Variants in SPON1 observed in about 807,000 individuals in gnomAD.
The protein encoded by SPON1 is spondin-1.
A neutral mutation model predicts 111.7 loss-of-function variants in SPON1; 52 were observed. The ratio of observed to expected loss-of-function variants is 0.47; its 90% CI spans 0.37 to 0.59. SPON1 has a LOEUF of 0.59. Ranked by LOEUF, SPON1 falls within the 20% of genes least tolerant of loss-of-function variation. The pLI is 0.00. For missense variants in SPON1, 957 were observed against 1,068.5 expected, an observed-to-expected ratio of 0.90 and a Z score of 1.46; for synonymous variants, 410 against 395.8, an observed-to-expected ratio of 1.04 and a Z score of -0.43.
At chr11:14,095,449 T>TA (rs1329394961) in intron 5 of SPON1, among the ~76,000 whole-genome samples, 2 of 141,752 alleles carry the variant, frequency 1.4e-5, no homozygotes, top group East Asian at 2.0e-4. Context: ...GATAGATAGA[T>TA]AATACATTTT....
intron 5 of SPON1, among the ~76,000 whole-genome samples, chr11:14,124,495 A>G (rs1554926841): frequency 1.3e-5 from 2 of 152,158 alleles, no homozygotes; most frequent in African/African-American, 2.4e-5. Context: ...GTTATGACCT[A>G]TCTTCCATGC....
intron 6 of SPON1, among the ~76,000 whole-genome samples, chr11:14,201,639 C>T (rs1591409305): frequency 1.3e-5 from 2 of 152,268 alleles, no homozygotes; most frequent in South Asian, 4.1e-4. Flanking sequence ...CTCAAGTGAT[C>T]CTCCCTCCTC....
In SPON1 at chr11:14,259,464, C is replaced by G. The variant is rs1849147444; in HGVS notation, c.1663+14C>G. The G allele has an allele frequency of 6.2e-7, 1 of 1,601,418 alleles. No individual in the cohort carries two copies. Among genetic ancestry groups the G allele is most frequent in the South Asian group, 1.1e-5 (1 of 88,878 alleles). On this transcript the variant is annotated intron_variant, in intron 12 of 15. Coordinates refer to ENST00000576479, the MANE Select transcript of SPON1 (RefSeq NM_006108.4). This position sits in a 1 kb window ranked among gnomAD's most constrained non-coding sequence, Gnocchi z 5.0. ...ACGAGGAGTGCTGTGAGTGGGGGCC[C>G]CGGGCGGGCAGGCGGGCAAGTAGGT...
chr11:14,049,281 A>G (rs1528640), intron 3 of SPON1, among the ~76,000 whole-genome samples: 59,952 of 151,844 alleles, frequency 0.39, 13,014 homozygotes, highest in South Asian at 0.57. Context: ...TTTTTTTATC[A>G]CTGCTCTACA....
intron 2 of SPON1, among the ~76,000 whole-genome samples, chr11:14,007,085 G>A (rs1848367929): frequency 6.6e-6 from 1 of 152,206 alleles, no homozygotes; most frequent in Admixed American, 6.5e-5. Flanking sequence ...GCAGTAGGGG[G>A]AATGGTTTCA....
rs1554927991 is a variant in SPON1, at chr11:14,135,561, G to A, written c.818G>A (p.Arg273Gln). 6.2e-6 allele frequency: 10 copies of A among 1,613,182 alleles called. No individual in the cohort carries two copies. The highest frequency in any genetic ancestry group is 1.1e-5 in the South Asian group (1 of 90,998). Reference sequence around the variant, plus strand: ...CCCGTGAAAATGGAGGAAGAAATTCGACAACAGGTAAGACAAAAAAATCAC... The same window carrying A: ...CCCGTGAAAATGGAGGAAGAAATTCAACAACAGGTAAGACAAAAAAATCAC... ...GSPVKMEEEI[R>Q]QQSDEVLTVI... The change falls in exon 6 of 16, where the codon CGA (arginine) becomes CAA (glutamine). Residue 273 changes from arginine (R) to glutamine (Q), a missense_variant. By Grantham distance (43) the Arg-to-Gln change is conservative. This residue lies in a region of SPON1 where 122 missense variants were observed against 143.2 expected (regional missense o/e 0.85). Transcript: ENST00000576479. The surrounding 1 kb of genome is among the most constrained non-coding windows in gnomAD (Gnocchi z 4.4).
At chr11:14,041,782 A>G in intron 3 of SPON1, 128 bp downstream of exon 3, 1 of 989,120 alleles carries the variant, frequency 1.0e-6, no homozygotes, top group Non-Finnish European at 1.5e-6. Flanking sequence ...CCTTATCTGA[A>G]TTCTCAATAG....
At position 13,963,122 on chromosome 11, in the gene SPON1, A is replaced by T. The variant is rs1847987845; in HGVS notation, c.218A>T (p.Lys73Met). 1.3e-6 allele frequency: 2 copies of T among 1,520,266 alleles called. No individual in the cohort carries two copies. Among genetic ancestry groups the T allele is most frequent in the East Asian group, 2.7e-5 (1 of 37,198 alleles). 94.2% of individuals were successfully genotyped at this position (1,520,266 alleles called of 1,614,324 possible). A position where few individuals can be genotyped will look rare whatever the true frequency, so the allele number is the denominator to read the frequency against. Residue 73 changes from lysine to methionine, a missense_variant, in exon 1 of 16, where the codon AAG (lysine) becomes ATG (methionine). By Grantham distance (95) the Lys-to-Met change is moderately conservative (BLOSUM62 -1). Coordinates refer to ENST00000576479, the MANE Select transcript of SPON1 (RefSeq NM_006108.4). ...LRVEGDPDFY[K>M]PGTSYRVTLS... Reference sequence around the variant, plus strand: ...GTGGAGGGCGACCCCGACTTCTACAAGCCGGGAACCAGCTACCGCGGTAAG... The same window carrying T: ...GTGGAGGGCGACCCCGACTTCTACATGCCGGGAACCAGCTACCGCGGTAAG...
chr11:14,001,075 T>G (rs1354421001), intron 2 of SPON1, among the ~76,000 whole-genome samples: 1 of 152,148 alleles, frequency 6.6e-6, no homozygotes, highest in African/African-American at 2.4e-5. Flanking sequence ...ATCAGAGAAC[T>G]GAGGTCATGA....
chr11:14,209,334 C>T (rs1485015850), intron 6 of SPON1, among the ~76,000 whole-genome samples: 1 of 152,094 alleles, frequency 6.6e-6, no homozygotes, highest in Admixed American at 6.5e-5. Context: ...CATAGGTATA[C>T]ATGTGCCATG....
At chr11:14,030,267 C>T (rs573884559) in intron 2 of SPON1, among the ~76,000 whole-genome samples, 45 of 152,362 alleles carry the variant, frequency 3.0e-4, no homozygotes, top group Non-Finnish European at 5.9e-5. Flanking sequence ...CTGCCCAGGG[C>T]GCCTACGCAT....
At chr11:13,993,275 G>T (rs2133788333) in intron 2 of SPON1, among the ~76,000 whole-genome samples, 1 of 152,000 alleles carries the variant, frequency 6.6e-6, no homozygotes, top group South Asian at 2.1e-4. Flanking sequence ...GGAGAAGGGG[G>T]TGGGGCTACC....
chr11:14,191,801 A>G (rs1052262579), intron 6 of SPON1, among the ~76,000 whole-genome samples: 2 of 152,256 alleles, frequency 1.3e-5, no homozygotes, highest in African/African-American at 2.4e-5. Context: ...TGTAATGGTC[A>G]GACAAGAGAC....
intron 6 of SPON1, among the ~76,000 whole-genome samples, chr11:14,181,957 G>C (rs1554933721): frequency 1.3e-5 from 2 of 152,182 alleles, no homozygotes; most frequent in Non-Finnish European, 2.9e-5. Context: ...AGAAGGACAA[G>C]ACTATGCTGA....
At chr11:14,116,321 C>T (rs1294807244) in intron 5 of SPON1, among the ~76,000 whole-genome samples, 6 of 152,022 alleles carry the variant, frequency 3.9e-5, no homozygotes, top group South Asian at 2.1e-4. Flanking sequence ...ACCTCAAAGT[C>T]GTGAAGATGT....
chr11:14,266,220 C>T lies in SPON1; in HGVS notation c.*533C>T, dbSNP rs1849266174. 1 of 152,220 alleles carries T rather than the reference C, an allele frequency of 6.6e-6. No individual in the cohort carries two copies. Among genetic ancestry groups the T allele is most frequent in the Non-Finnish European group, 1.5e-5 (1 of 68,086 alleles). 9.4% of individuals were successfully genotyped at this position (152,220 alleles called of 1,614,324 possible). On this transcript the variant is annotated 3_prime_UTR_variant, in exon 16 of 16. Coordinates refer to ENST00000576479, the MANE Select transcript of SPON1 (RefSeq NM_006108.4). ...CCTGGGGAAAAACAGAGCTGGTAGA[C>T]TTGAAGAGGAGCATTGATGTTGGGT...
intron 6 of SPON1, among the ~76,000 whole-genome samples, chr11:14,154,325 A>T (rs1478006310): frequency 5.3e-5 from 8 of 152,212 alleles, no homozygotes; most frequent in Non-Finnish European, 1.5e-5. Context: ...GTTTCCATAC[A>T]TCCTCTGGAA....
At chr11:14,034,017 T>C (rs1191559751) in intron 2 of SPON1, among the ~76,000 whole-genome samples, 2 of 150,670 alleles carry the variant, frequency 1.3e-5, no homozygotes, top group Non-Finnish European at 3.0e-5. Context: ...AATTAGGTCC[T>C]TTAAAAATAT....
intron 5 of SPON1, among the ~76,000 whole-genome samples, chr11:14,116,158 A>G (rs1175418352): frequency 6.6e-6 from 1 of 152,106 alleles, no homozygotes; most frequent in Non-Finnish European, 1.5e-5. Flanking sequence ...TGTCAATTAT[A>G]TGTATTGCAG....
Sources: gnomAD v4.1 joint callset for allele counts (sites outside exome capture counted in the v4.1 genomes callset) on GRCh38, gnomAD v4.1.1 for gene constraint, gnomAD v4.1.1 regional missense constraint, Gnocchi (gnomAD v3.1) non-coding constraint, MANE v1.5 for transcripts, NCBI Gene and HGNC (gene_info 2026-07-23, HGNC 2026-07-21) for gene names.